ZNF407: variants seen among roughly 807,000 people sequenced by gnomAD.
ZNF407 encodes the protein zinc finger protein 407.
ZNF407 carries 17 observed loss-of-function variants against 131.2 expected under a neutral mutation model. That is an observed-to-expected ratio of 0.13 (90% CI 0.09 to 0.19). The LOEUF (loss-of-function observed/expected upper bound fraction) is 0.19. ZNF407 is among the 10% of genes least tolerant of loss of function. The probability of loss-of-function intolerance (pLI) is 1.00; values close to 1 mark genes in which losing one functional copy is unlikely to be tolerated. For missense variants in ZNF407, 2,681 were observed against 2,830.6 expected (o/e 0.95, Z 1.20); for synonymous variants, 1,156 against 1,062.0 (o/e 1.09, Z -1.72).
intron 8 of ZNF407, among the ~76,000 whole-genome samples, chr18:74,981,535 T>C (rs1186751365): frequency 6.6e-6 from 1 of 152,016 alleles, no homozygotes; most frequent in African/African-American, 2.4e-5. Context: ...GTTCATAGAG[T>C]ATGTTCAGTC....
chr18:74,745,057 C>A (rs879939178), intron 3 of ZNF407, among the ~76,000 whole-genome samples: 2 of 152,038 alleles, frequency 1.3e-5, no homozygotes, highest in Non-Finnish European at 2.9e-5. Flanking sequence ...GGACACAACA[C>A]GTATCGTAGT....
chr18:74,683,412 C>T (rs912252842), intron 3 of ZNF407, among the ~76,000 whole-genome samples: 1 of 152,110 alleles, frequency 6.6e-6, no homozygotes, highest in African/African-American at 2.4e-5. Context: ...TTAAAACTAA[C>T]ATTTGCTGTG....
At chr18:74,750,979 T>C (rs1214530742) in intron 3 of ZNF407, among the ~76,000 whole-genome samples, 1 of 152,248 alleles carries the variant, frequency 6.6e-6, no homozygotes, top group African/African-American at 2.4e-5. Flanking sequence ...CTATTTTATA[T>C]ATTTTATGGG....
chr18:74,655,468 C>T (rs755214170), intron 3 of ZNF407, among the ~76,000 whole-genome samples: 12 of 151,904 alleles, frequency 7.9e-5, no homozygotes, highest in African/African-American at 2.7e-4. Flanking sequence ...GGTATCTATC[C>T]ACTAGATTAT....
chr18:75,020,300 ATG>A (rs1165515834), intron 8 of ZNF407, among the ~76,000 whole-genome samples: 3 of 121,836 alleles, frequency 2.5e-5, no homozygotes, highest in African/African-American at 9.3e-5. Context: ...GTATGTGTAT[ATG>A]TGTGTGTATG....
intron 3 of ZNF407, among the ~76,000 whole-genome samples, chr18:74,750,049 A>C (rs1228570254): frequency 6.6e-6 from 1 of 152,186 alleles, no homozygotes; most frequent in Non-Finnish European, 1.5e-5. Flanking sequence ...TTTTCACCCA[A>C]ATCCGTGCTA....
At chr18:74,732,641 A>C (rs538288111) in intron 3 of ZNF407, among the ~76,000 whole-genome samples, 1 of 152,260 alleles carries the variant, frequency 6.6e-6, no homozygotes, top group East Asian at 1.9e-4. Context: ...TCAGTTTTGT[A>C]ATCAGCTTTG....
chr18:74,897,604 A>G (rs1172636031), intron 7 of ZNF407, among the ~76,000 whole-genome samples: 1 of 152,212 alleles, frequency 6.6e-6, no homozygotes, highest in Non-Finnish European at 1.5e-5. Context: ...TGGAAGAAAG[A>G]AAGGCCTTAG....
Position 74,680,549 on chromosome 18 carries a change from C to T in ZNF407, c.4802+39427C>T, listed in dbSNP as rs189392447. On this transcript the variant is annotated intron_variant, in intron 3 of 8. Coordinates refer to ENST00000299687, the MANE Select transcript of ZNF407 (RefSeq NM_017757.3). ...GAAAGTGAAAAGTGCTTATTGTATG[C>T]GGTTTATTTTCTTTGACCATCAAAT... Among the ~76,000 whole-genome samples the T allele has an allele frequency of 1.6e-4, 25 of 152,108 alleles. 2 individuals carry two copies. The South Asian group carries it at 3.5e-3, about 21-fold the overall frequency.
intron 3 of ZNF407, among the ~76,000 whole-genome samples, chr18:74,656,111 A>G (rs1389984813): frequency 6.6e-6 from 1 of 152,114 alleles, no homozygotes; most frequent in Non-Finnish European, 1.5e-5. Flanking sequence ...TAATAGAGGC[A>G]GATTAGGAAA....
At chr18:74,786,793 GTT>G (rs869103622) in intron 4 of ZNF407, among the ~76,000 whole-genome samples, 59,553 of 88,694 alleles carry the variant, frequency 0.67, 23,437 homozygotes, top group East Asian at 0.87. Flanking sequence ...AAAAAAGTAT[GTT>G]TTTTTTTTTT....
intron 4 of ZNF407, chr18:74,804,205 A>AT: frequency 7.5e-7 from 1 of 1,337,990 alleles, no homozygotes; most frequent in Non-Finnish European, 9.6e-7. Context: ...GATGTAAATC[A>AT]TCACACAAAT....
chr18:74,876,630 A>G (rs571005362), intron 4 of ZNF407, among the ~76,000 whole-genome samples: 6 of 152,270 alleles, frequency 3.9e-5, no homozygotes, highest in South Asian at 2.1e-4. Flanking sequence ...GTAAAAATGT[A>G]TAGTTACGAT....
intron 8 of ZNF407, among the ~76,000 whole-genome samples, chr18:74,994,526 T>C (rs953631914): frequency 6.6e-6 from 1 of 152,226 alleles, no homozygotes; most frequent in Non-Finnish European, 1.5e-5. Flanking sequence ...GTCTGCATCC[T>C]TGTTTAAAGC....
At chr18:74,669,955 T>C (rs1455062295) in intron 3 of ZNF407, among the ~76,000 whole-genome samples, 1 of 152,216 alleles carries the variant, frequency 6.6e-6, no homozygotes, top group Non-Finnish European at 1.5e-5. Flanking sequence ...TCCTCAACCC[T>C]CTCTGAGGAG....
At chr18:74,942,443 G>A (rs550466826) in intron 8 of ZNF407, among the ~76,000 whole-genome samples, 2 of 152,326 alleles carry the variant, frequency 1.3e-5, no homozygotes, top group East Asian at 3.9e-4. Context: ...GGATCAGAGA[G>A]CTAAACAGGA....
At chr18:74,829,785 T>G (rs188217396) in intron 4 of ZNF407, among the ~76,000 whole-genome samples, 1 of 152,228 alleles carries the variant, frequency 6.6e-6, no homozygotes, top group East Asian at 1.9e-4. Context: ...GAAAAACTGC[T>G]AATTCTGGTC....
intron 7 of ZNF407, among the ~76,000 whole-genome samples, chr18:74,897,738 G>A (rs1971471737): frequency 6.6e-6 from 1 of 152,128 alleles, no homozygotes. Context: ...ATATCTTCCA[G>A]CAATAGAAGC....
chr18:74,861,909 A>G (rs1016128138), intron 4 of ZNF407, among the ~76,000 whole-genome samples: 2 of 152,176 alleles, frequency 1.3e-5, no homozygotes, highest in East Asian at 3.9e-4. Flanking sequence ...GAAGTTTTTA[A>G]TTCTGAATTT....
Sources: allele counts gnomAD v4.1 joint callset (sites outside exome capture counted in the v4.1 genomes callset), GRCh38; gene constraint gnomAD v4.1.1; transcripts MANE v1.5; gene names NCBI Gene and HGNC (gene_info 2026-07-23, HGNC 2026-07-21).